Variants in ABCA4 observed in about 807,000 individuals in gnomAD.
ABCA4 encodes the protein retinal-specific phospholipid-transporting ATPase ABCA4.
ABCA4 carries 196 observed loss-of-function variants against 263.7 expected under a neutral mutation model. That is an observed-to-expected ratio of 0.74 (90% confidence interval 0.66 to 0.84). ABCA4 has a LOEUF of 0.84. Ranked by LOEUF, ABCA4 falls within the 40% of genes least tolerant of loss-of-function variation. The pLI, the probability that ABCA4 is intolerant of heterozygous loss-of-function variation, is 0.00. For missense variants in ABCA4, 2,792 were observed against 2,855.1 expected (o/e 0.98, Z 0.50); for synonymous variants, 1,133 against 1,094.2 (o/e 1.04, Z -0.70).
At chr1:94,009,133 C>T (rs1291285243) in intron 40 of ABCA4, among the ~76,000 whole-genome samples, 1 of 152,074 alleles carries the variant, frequency 6.6e-6, no homozygotes, top group Non-Finnish European at 1.5e-5. Context: ...CTCTCTGAAC[C>T]TTGCCTACTT....
chr1:94,013,600 G>A (rs924205251), intron 38 of ABCA4, among the ~76,000 whole-genome samples: 13 of 152,192 alleles, frequency 8.5e-5, no homozygotes, highest in Non-Finnish European at 1.5e-4. Flanking sequence ...GGTGGGGACT[G>A]GGAGTGTGGA....
intron 5 of ABCA4, among the ~76,000 whole-genome samples, chr1:94,099,935 C>T (rs949196177): frequency 5.9e-5 from 9 of 152,158 alleles, no homozygotes; most frequent in Non-Finnish European, 1.2e-4. Context: ...AGGCCTGGAC[C>T]TTGGCCAGGG....
intron 19 of ABCA4, 143 bp from the exon 20 acceptor site, chr1:94,044,887 G>T: frequency 1.6e-6 from 2 of 1,272,712 alleles, no homozygotes; most frequent in South Asian, 1.2e-5. Context: ...TATTAGCTGT[G>T]GGGCCCCCTT....
intron 6 of ABCA4, among the ~76,000 whole-genome samples, chr1:94,086,507 G>A (rs1661831110): frequency 6.6e-6 from 1 of 151,412 alleles, no homozygotes; most frequent in Non-Finnish European, 1.5e-5. Context: ...TAATCGTATT[G>A]CCTAGGTAGT....
At chr1:94,051,382 T>G (rs1286611909) in intron 17 of ABCA4, among the ~76,000 whole-genome samples, 4 of 152,232 alleles carry the variant, frequency 2.6e-5, no homozygotes, top group Non-Finnish European at 4.4e-5. Flanking sequence ...TTTAGTCTAC[T>G]GGACAAGGTG....
At chr1:94,112,566 G>A (rs559416279) in intron 2 of ABCA4, among the ~76,000 whole-genome samples, 2 of 152,224 alleles carry the variant, frequency 1.3e-5, no homozygotes, top group Non-Finnish European at 2.9e-5. Flanking sequence ...AGAACGCTGA[G>A]GTGGGAGGAT....
chr1:94,018,321 C>T (rs544262517), intron 36 of ABCA4, among the ~76,000 whole-genome samples: 20 of 152,280 alleles, frequency 1.3e-4, no homozygotes, highest in South Asian at 4.2e-4. Flanking sequence ...TTTTCGGTAC[C>T]GGTGGGCCTA....
At position 94,021,367 on chromosome 1, in the gene ABCA4, G is replaced by C; in HGVS notation, c.4891C>G (p.Leu1631Val). The change falls in exon 35 of 50, where the codon CTC (leucine) becomes GTC (valine). Residue 1631 changes from leucine to valine, a missense_variant. Coordinates refer to ENST00000370225, the MANE Select transcript of ABCA4 (RefSeq NM_000350.3). ...AAGATGGCGTTGTGGGCCACATTGA[G>C]AAAGCTGACCAGGGCATGCCAGCCT... ...NKGWHALVSF[L>V]NVAHNAILRA... 6.2e-7 allele frequency: 1 copy of C among 1,614,242 alleles called. No homozygotes were observed. Among genetic ancestry groups the C allele is most frequent in the Non-Finnish European group, 8.5e-7 (1 of 1,180,046 alleles).
intron 13 of ABCA4, among the ~76,000 whole-genome samples, chr1:94,061,741 T>A (rs1661134882): frequency 6.6e-6 from 1 of 152,242 alleles, no homozygotes; most frequent in African/African-American, 2.4e-5. Flanking sequence ...TTCCCAGCTC[T>A]GCCTATTGTC....
chr1:94,041,396 G>T lies in ABCA4; in HGVS notation c.3335C>A (p.Thr1112Asn), dbSNP rs61750122. The T allele has an allele frequency of 1.2e-6, 2 of 1,613,590 alleles. No homozygotes were observed. The highest frequency in any genetic ancestry group is 1.7e-6 in the Non-Finnish European group (2 of 1,180,026). The change falls in exon 23 of 50, where the codon ACC becomes AAC. Residue 1112 changes from threonine to asparagine, a missense_variant. By Grantham distance (65) the Thr-to-Asn change is moderately conservative. Transcript: ENST00000370225. ...DLLLKYRSGR[T>N]IIMSTHHMDE... ...CATGTGGTGAGTGGACATGATGATG[G>T]TTCTGCCTGCAAGGTAGGGGCCAGG...
Position 94,062,831 on chromosome 1 carries a change from G to A in ABCA4, c.1761-78C>T, listed in dbSNP as rs145717494. On this transcript the variant is annotated intron_variant, in intron 12 of 49. Transcript: ENST00000370225. ...ACACCTCCCGACCACAGGGTGACTCGGAACTCATTCTCTTAAAATCTTTCT... is the reference window on the plus strand; with the variant it reads ...ACACCTCCCGACCACAGGGTGACTCAGAACTCATTCTCTTAAAATCTTTCT... 4.1e-4 allele frequency: 599 copies of A among 1,453,710 alleles called. 5 individuals are homozygous for A. The East Asian group carries it at 0.013, about 31-fold the overall frequency. 90.1% of individuals were successfully genotyped at this position (1,453,710 alleles called of 1,614,324 possible). A position where few individuals can be genotyped will look rare whatever the true frequency, so the allele number is the denominator to read the frequency against.
intron 2 of ABCA4, 143 bp from the exon 3 acceptor site, chr1:94,111,722 C>G (rs1662610533): frequency 7.8e-6 from 8 of 1,019,662 alleles, no homozygotes; most frequent in Non-Finnish European, 1.2e-5. Flanking sequence ...GCAGGAGCAT[C>G]TCATGTGTGC....
At chr1:94,070,338 C>T (rs1040321134) in intron 11 of ABCA4, among the ~76,000 whole-genome samples, 2 of 152,168 alleles carry the variant, frequency 1.3e-5, no homozygotes, top group Admixed American at 6.5e-5. Flanking sequence ...CTTTTGCAAG[C>T]CGTGCCTGCT....
intron 8 of ABCA4, among the ~76,000 whole-genome samples, chr1:94,079,980 C>A (rs1002883764): frequency 8.8e-6 from 1 of 113,366 alleles, no homozygotes; most frequent in Non-Finnish European, 1.9e-5. Context: ...TCCTCCTTTA[C>A]CCCATAGAAG....
At chr1:94,075,596 G>A (rs1057186893) in intron 11 of ABCA4, among the ~76,000 whole-genome samples, 8 of 152,288 alleles carry the variant, frequency 5.3e-5, no homozygotes, top group Admixed American at 1.3e-4. Context: ...CAGATAGAAC[G>A]AGGCTTTTCT....
In ABCA4 at chr1:94,063,258, G is replaced by A. The variant is rs201602424; in HGVS notation, c.1614C>T (p.Ala538=). 8.4e-5 allele frequency: 136 copies of A among 1,614,118 alleles called. No homozygotes were observed. The East Asian group carries it at 2.8e-3, about 34-fold the overall frequency. Residue 538 remains alanine, a synonymous_variant, in exon 12 of 50, where the codon GCC becomes GCT. Coordinates refer to ENST00000370225, the MANE Select transcript of ABCA4 (RefSeq NM_000350.3). ...YNDETQLTQR[A]LSLLEENMFW... Reference sequence around the variant, plus strand: ...ACATGTTTTCCTCCAGTAGAGAGAGGGCACGTTGGGTGAGCTGAGTTTCAT... The same window carrying A: ...ACATGTTTTCCTCCAGTAGAGAGAGAGCACGTTGGGTGAGCTGAGTTTCAT...
At chr1:94,062,931 A>G (rs1358957304) in intron 12 of ABCA4, among the ~76,000 whole-genome samples, 178 bp from the exon 13 acceptor site, 2 of 152,124 alleles carry the variant, frequency 1.3e-5, no homozygotes, top group African/African-American at 4.8e-5. Flanking sequence ...ATTAGCCACA[A>G]TGTGACTCTG....
At chr1:94,098,133 A>C (rs987218173) in intron 6 of ABCA4, among the ~76,000 whole-genome samples, 2 of 152,106 alleles carry the variant, frequency 1.3e-5, no homozygotes, top group African/African-American at 4.8e-5. Flanking sequence ...TTCTCATCTT[A>C]TCCTTCTAGC....
intron 11 of ABCA4, among the ~76,000 whole-genome samples, chr1:94,065,131 C>T (rs979555431): frequency 2.6e-5 from 4 of 152,056 alleles, no homozygotes; most frequent in Non-Finnish European, 5.9e-5. Flanking sequence ...AGCTGGGACT[C>T]CCTCCCCAAT....
Sources: gnomAD v4.1 joint callset for allele counts (sites outside exome capture counted in the v4.1 genomes callset) on GRCh38, gnomAD v4.1.1 for gene constraint, MANE v1.5 for transcripts, NCBI Gene and HGNC (gene_info 2026-07-23, HGNC 2026-07-21) for gene names.